IQSEC3: variants seen among roughly 807,000 people sequenced by gnomAD.
IQSEC3 encodes IQ motif and SEC7 domain-containing protein 3.
IQSEC3 carries 50 observed loss-of-function variants against 105.4 expected under a neutral mutation model. The ratio of observed to expected loss-of-function variants is 0.47; its 90% CI spans 0.38 to 0.60. IQSEC3 has a LOEUF of 0.60. IQSEC3 is among the 20% of genes least tolerant of loss of function. The probability of loss-of-function intolerance (pLI) is 0.00; values close to 1 mark genes in which losing one functional copy is unlikely to be tolerated. For synonymous variants in IQSEC3, 708 were observed against 746.0 expected (o/e 0.95, Z 0.83); for missense variants, 1,415 against 1,630.0 (o/e 0.87, Z 2.27).
intron 1 of IQSEC3, among the ~76,000 whole-genome samples, chr12:94,664 A>G (rs1400926939): frequency 6.6e-6 from 1 of 152,208 alleles, no homozygotes; most frequent in Non-Finnish European, 1.5e-5. Context: ...CACATGTGTC[A>G]CTGCAGCTGA....
chr12:138,834 C>T lies in IQSEC3; in HGVS notation c.1471C>T (p.Gln491Ter). ...LMMAFRDVTV[Q>*]IANQNISVSS... The stretch of plus-strand genomic sequence containing the variant: ...GATGGCTTTCCGGGACGTCACGGTG[C>T]AGATCGCCAACCAGAACATATCCGT... The change falls in exon 4 of 14, where the codon CAG becomes TAG. Residue 491 changes from glutamine (Q) to a stop codon, truncating the protein, a stop_gained. Coordinates refer to ENST00000538872, the MANE Select transcript of IQSEC3 (RefSeq NM_001170738.2). LOFTEE classifies it high-confidence loss of function. The surrounding 1 kb of genome is among the most constrained non-coding windows in gnomAD (Gnocchi z 7.1). 6.2e-7 allele frequency: 1 copy of T among 1,611,898 alleles called. No homozygotes were observed. The highest frequency in any genetic ancestry group is 8.5e-7 in the Non-Finnish European group (1 of 1,179,364).
chr12:89,092 TC>T, intron 1 of IQSEC3, among the ~76,000 whole-genome samples: 1 of 152,210 alleles, frequency 6.6e-6, no homozygotes, highest in East Asian at 1.9e-4. Context: ...GGTCTGCATC[TC>T]CAGCCCAGAG....
intron 1 of IQSEC3, among the ~76,000 whole-genome samples, chr12:95,849 GTAT>G (rs1338205773): frequency 1.3e-5 from 2 of 152,176 alleles, no homozygotes; most frequent in African/African-American, 4.8e-5. Flanking sequence ...ATGGTTGAAG[GTAT>G]TACAGTTTAT....
chr12:85,766 C>G (rs1003765031), intron 1 of IQSEC3, among the ~76,000 whole-genome samples: 2 of 152,188 alleles, frequency 1.3e-5, no homozygotes, highest in African/African-American at 4.8e-5. Context: ...CTTAGACTCT[C>G]TGAGCCTCCT....
chr12:166,193 G>A (rs376245597), intron 11 of IQSEC3: 10 of 380,474 alleles, frequency 2.6e-5, no homozygotes, highest in African/African-American at 1.0e-4. Flanking sequence ...ATGACCAAGC[G>A]AGCTGGCCAG....
At position 76,086 on chromosome 12, in the gene IQSEC3, TCACACACACACACACA is replaced by T. The variant is rs55736036; in HGVS notation, c.554+8681_554+8696del. 1.8e-3 allele frequency among the ~76,000 whole-genome samples: 264 copies of T among 148,450 alleles called. No homozygotes were observed. The East Asian group carries it at 0.024, about 14-fold the overall frequency. ...ACAAATCTCTGCAGTGAGAGTTTCA[TCACACACACACACACA>T]CACACACACACACACACACACACAC... On this transcript the variant is annotated intron_variant, in intron 1 of 13. Transcript: ENST00000538872.
chr12:78,801 C>T (rs1863646888), intron 1 of IQSEC3, among the ~76,000 whole-genome samples: 1 of 152,108 alleles, frequency 6.6e-6, no homozygotes, highest in Non-Finnish European at 1.5e-5. Context: ...AGTAAAGCGT[C>T]AGGCAAGCCG....
At chr12:110,904 G>A (rs542603400) in intron 2 of IQSEC3, among the ~76,000 whole-genome samples, 7 of 152,228 alleles carry the variant, frequency 4.6e-5, no homozygotes, top group East Asian at 3.9e-4. Flanking sequence ...TAGAAGGAAC[G>A]GGGAAATTCT....
At chr12:129,435 C>T (rs1337054967) in intron 3 of IQSEC3, among the ~76,000 whole-genome samples, 8 of 152,136 alleles carry the variant, frequency 5.3e-5, no homozygotes, top group Non-Finnish European at 1.2e-4. Context: ...CCCTGCTGGC[C>T]CCTTCCCCAG....
intron 3 of IQSEC3, among the ~76,000 whole-genome samples, chr12:136,202 C>T (rs1410795921): frequency 2.0e-5 from 3 of 152,190 alleles, no homozygotes; most frequent in African/African-American, 4.8e-5. Flanking sequence ...TGAGTTCCAA[C>T]GATCTCCAAG....
At chr12:82,420 G>A (rs927487609) in intron 1 of IQSEC3, among the ~76,000 whole-genome samples, 9 of 152,224 alleles carry the variant, frequency 5.9e-5, no homozygotes, top group African/African-American at 2.2e-4. Flanking sequence ...GCTATAAAGA[G>A]AAGCAAAGAA....
intron 2 of IQSEC3, among the ~76,000 whole-genome samples, chr12:114,103 G>A (rs1157952352): frequency 6.6e-6 from 1 of 152,246 alleles, no homozygotes; most frequent in Non-Finnish European, 1.5e-5. Context: ...AGGATTAAAT[G>A]TGATAATGCC....
At chr12:78,992 A>G (rs1295314384) in intron 1 of IQSEC3, among the ~76,000 whole-genome samples, 1 of 152,038 alleles carries the variant, frequency 6.6e-6, no homozygotes, top group African/African-American at 2.4e-5. Context: ...CCTTTCAAAT[A>G]TTTGAAGGCA....
Position 125,718 on chromosome 12 carries a change from C to CAT in IQSEC3, c.710_711dup (p.Ala238MetfsTer61). The CAT allele has an allele frequency of 4.6e-6, 7 of 1,533,706 alleles. No individual in the cohort carries two copies. Among genetic ancestry groups the CAT allele is most frequent in the Non-Finnish European group, 6.1e-6 (7 of 1,150,466 alleles). ...GGTGGCAGCCGGCAGACCCAGTGCCCATGCCCCGAAGGCTCAAGCCCAGGA... is the reference window on the plus strand; with the variant it reads ...GGTGGCAGCCGGCAGACCCAGTGCCCATATGCCCCGAAGGCTCAAGCCCAGGA... On this transcript the variant is annotated frameshift_variant, in exon 3 of 14. Coordinates refer to ENST00000538872, the MANE Select transcript of IQSEC3 (RefSeq NM_001170738.2). LOFTEE classifies it high-confidence loss of function.
At chr12:110,993 C>T (rs1250369548) in intron 2 of IQSEC3, among the ~76,000 whole-genome samples, 4 of 152,144 alleles carry the variant, frequency 2.6e-5, no homozygotes, top group East Asian at 1.9e-4. Flanking sequence ...TTAGCTTCTT[C>T]GTGACCCCCC....
intron 2 of IQSEC3, among the ~76,000 whole-genome samples, chr12:117,845 C>T (rs1865099002): frequency 1.3e-5 from 2 of 152,220 alleles, no homozygotes; most frequent in African/African-American, 4.8e-5. Context: ...CACATCTGCC[C>T]TCCTGCAGGG....
chr12:118,119 G>T (rs1865107553), intron 2 of IQSEC3, among the ~76,000 whole-genome samples: 1 of 152,174 alleles, frequency 6.6e-6, no homozygotes. Flanking sequence ...GAAGTGATTT[G>T]CCCACAGTTA....
At chr12:90,455 GT>G (rs1409879005) in intron 1 of IQSEC3, among the ~76,000 whole-genome samples, 3 of 151,998 alleles carry the variant, frequency 2.0e-5, no homozygotes, top group African/African-American at 7.3e-5. Context: ...ATGTGTTATG[GT>G]TTTATCTGTT....
intron 7 of IQSEC3, among the ~76,000 whole-genome samples, chr12:159,606 T>G (rs1029071724): frequency 2.0e-5 from 3 of 152,244 alleles, no homozygotes; most frequent in Non-Finnish European, 4.4e-5. Context: ...CCATCCCAGC[T>G]GCTGGCCTTT....
Sources: allele counts gnomAD v4.1 joint callset (sites outside exome capture counted in the v4.1 genomes callset), GRCh38; gene constraint gnomAD v4.1.1; non-coding constraint Gnocchi (gnomAD v3.1); transcripts MANE v1.5; gene names NCBI Gene and HGNC (gene_info 2026-07-23, HGNC 2026-07-21).